The following DYSF variants were observed in gnomAD, a reference collection of about 807,000 sequenced individuals.
The protein encoded by DYSF is dystrophy-associated fer-1-like 1.
Under a neutral mutation model 274.9 loss-of-function variants are expected in DYSF, and 212 were observed. The observed-to-expected ratio is 0.77, with a 90% confidence interval of 0.69 to 0.86. DYSF has a LOEUF of 0.86. DYSF is among the 40% of genes least tolerant of loss of function. The probability of loss-of-function intolerance (pLI) is 0.00; values close to 1 mark genes in which losing one functional copy is unlikely to be tolerated. For missense variants in DYSF, 2,666 were observed against 2,783.2 expected (o/e 0.96, Z 0.95); for synonymous variants, 1,091 against 1,078.7 (o/e 1.01, Z -0.22).
chr2:71,674,377 C>G, intron 52 of DYSF, 81 bp downstream of exon 52: 1 of 1,396,606 alleles, frequency 7.2e-7, no homozygotes, highest in Non-Finnish European at 1.0e-6. Context: ...CACTGTTGGA[C>G]CCTTGGGGAA....
At chr2:71,645,678 A>G (rs1419116658) in intron 42 of DYSF, among the ~76,000 whole-genome samples, 1 of 151,814 alleles carries the variant, frequency 6.6e-6, no homozygotes, top group African/African-American at 2.4e-5. Context: ...AGCCCTCGCC[A>G]GGGACACCGT....
At chr2:71,611,215 T>C (rs200331542) in intron 36 of DYSF, 30 bp from the exon 37 acceptor site, 573 of 1,538,526 alleles carry the variant, frequency 3.7e-4, no homozygotes, top group Non-Finnish European at 4.8e-4. Flanking sequence ...CTTCCACCTT[T>C]GTCTCCATTC....
At chr2:71,531,016 T>G (rs757978216) in intron 14 of DYSF, among the ~76,000 whole-genome samples, 1 of 151,760 alleles carries the variant, frequency 6.6e-6, no homozygotes, top group African/African-American at 2.4e-5. Flanking sequence ...GTGCACTTCA[T>G]GGTATGGAAG....
At position 71,624,114 on chromosome 2, in the gene DYSF, T is replaced by A. The variant is rs2094161099; in HGVS notation, c.4527+3505T>A. On this transcript the variant is annotated intron_variant, in intron 41 of 55. Coordinates refer to ENST00000410020, the MANE Select transcript of DYSF (RefSeq NM_001130987.2). ...CACAAAAGCCTTAAATTAGTTTTCA[T>A]AGATACAATGCCCTTCCTTTTTATA... is the stretch of plus-strand genomic sequence containing the variant. Among the ~76,000 whole-genome samples, 5 of 152,228 alleles carry A rather than the reference T, an allele frequency of 3.3e-5. No individual in the cohort carries two copies. The South Asian group carries it at 1.0e-3, about 31-fold the overall frequency.
intron 24 of DYSF, among the ~76,000 whole-genome samples, chr2:71,564,651 C>T (rs574221771): frequency 6.6e-6 from 1 of 152,334 alleles, no homozygotes; most frequent in East Asian, 1.9e-4. Flanking sequence ...CTCAAGTCCT[C>T]CCTGCTGGGA....
intron 1 of DYSF, among the ~76,000 whole-genome samples, chr2:71,474,985 C>T (rs1375783792): frequency 6.6e-6 from 1 of 152,114 alleles, no homozygotes; most frequent in Non-Finnish European, 1.5e-5. Context: ...CCCCTCAGAA[C>T]CCTGTGCAGC....
intron 3 of DYSF, among the ~76,000 whole-genome samples, chr2:71,502,244 A>C (rs138551174): frequency 8.2e-4 from 125 of 152,152 alleles, no homozygotes; most frequent in Middle Eastern, 6.8e-3. Context: ...TCTATATTCC[A>C]ATCAATATTT....
intron 50 of DYSF, 42 bp downstream of exon 50, chr2:71,669,249 C>A: frequency 6.7e-7 from 1 of 1,488,498 alleles, no homozygotes; most frequent in Non-Finnish European, 9.2e-7. Flanking sequence ...CTTCCCGCAG[C>A]TCCCGTGCTC....
intron 42 of DYSF, among the ~76,000 whole-genome samples, chr2:71,645,891 C>T (rs2094560661): frequency 6.6e-6 from 1 of 152,154 alleles, no homozygotes. Flanking sequence ...CTGTTAGACA[C>T]ATAGGAAAGG....
chr2:71,645,664 A>G (rs1352501240), intron 42 of DYSF, among the ~76,000 whole-genome samples: 1 of 151,540 alleles, frequency 6.6e-6, no homozygotes, highest in Non-Finnish European at 1.5e-5. Context: ...GGCCCGGGGG[A>G]TGAAGCCCTC....
At chr2:71,622,131 T>TG in intron 41 of DYSF, among the ~76,000 whole-genome samples, 1 of 73,566 alleles carries the variant, frequency 1.4e-5, no homozygotes, top group African/African-American at 6.1e-5. Context: ...GATTTCTTTG[T>TG]TTTTTTTTTT....
intron 4 of DYSF, among the ~76,000 whole-genome samples, chr2:71,507,763 C>G (rs900512262): frequency 2.6e-5 from 4 of 152,226 alleles, no homozygotes; most frequent in African/African-American, 7.2e-5. Context: ...CAGGCCTGGC[C>G]TCTGGGGCCA....
chr2:71,579,812 C>T (rs1000120257), intron 30 of DYSF, among the ~76,000 whole-genome samples: 3 of 152,228 alleles, frequency 2.0e-5, no homozygotes, highest in Non-Finnish European at 4.4e-5. Context: ...AGTAGCCACA[C>T]CTGCCGAGTG....
intron 16 of DYSF, 105 bp downstream of exon 16, chr2:71,535,416 A>C: frequency 8.1e-7 from 1 of 1,231,042 alleles, no homozygotes; most frequent in Non-Finnish European, 1.2e-6. Context: ...GTGAGGGAGA[A>C]GTTTCAGGTG....
At chr2:71,531,084 T>TC (rs1014574530) in intron 14 of DYSF, among the ~76,000 whole-genome samples, 3 of 152,000 alleles carry the variant, frequency 2.0e-5, no homozygotes, top group Admixed American at 2.0e-4. Context: ...AACAACTTTT[T>TC]TTTTTCTGAA....
chr2:71,682,733 C>T, intron 55 of DYSF, 56 bp downstream of exon 55: 1 of 1,575,638 alleles, frequency 6.3e-7, no homozygotes, highest in South Asian at 1.1e-5. Context: ...TGGGGGAGTT[C>T]ATCATTGTCC....
At chr2:71,464,917 A>T (rs1254057695), upstream of DYSF, among the ~76,000 whole-genome samples, 1 of 152,070 alleles carries the variant, frequency 6.6e-6, no homozygotes, top group East Asian at 1.9e-4. Context: ...TTTTGGACAT[A>T]TTTTGAAGGA....
At chr2:71,561,494 G>A (rs537251918) in intron 22 of DYSF, among the ~76,000 whole-genome samples, 25 of 152,248 alleles carry the variant, frequency 1.6e-4, no homozygotes, top group African/African-American at 5.1e-4. Context: ...ATTCCAAACT[G>A]GCAGTCCTGG....
intron 16 of DYSF, among the ~76,000 whole-genome samples, chr2:71,536,385 C>T (rs2089336841): frequency 1.3e-5 from 2 of 152,206 alleles, no homozygotes; most frequent in Admixed American, 6.5e-5. Flanking sequence ...GAAAGAGAGC[C>T]GCCAGGAGGG....
Sources: gnomAD v4.1 joint callset for allele counts (sites outside exome capture counted in the v4.1 genomes callset) on GRCh38, gnomAD v4.1.1 for gene constraint, MANE v1.5 for transcripts, NCBI Gene and HGNC (gene_info 2026-07-23, HGNC 2026-07-21) for gene names.